MCUB: variants seen among roughly 807,000 people sequenced by gnomAD.
The protein encoded by MCUB is mitochondrial calcium uniporter dominant negative subunit beta.
In MCUB, 46 loss-of-function variants were observed where a neutral mutation model predicts 41.4. That is an observed-to-expected ratio of 1.11 (90% CI 0.88 to 1.42). The LOEUF (loss-of-function observed/expected upper bound fraction) is 1.42. Ranked by LOEUF, MCUB falls within the 40% of genes most tolerant of loss-of-function variation. MCUB has a pLI of 0.00. For missense variants in MCUB, 403 were observed against 404.9 expected (o/e 1.00, Z 0.04); for synonymous variants, 148 against 148.2 (o/e 1.00, Z 0.01).
chr4:109,656,210 A>T (rs1321296858), intron 1 of MCUB, among the ~76,000 whole-genome samples: 1 of 152,044 alleles, frequency 6.6e-6, no homozygotes, highest in East Asian at 1.9e-4. Flanking sequence ...TTAGCATTAT[A>T]CGGACTCTAG....
At chr4:109,638,411 T>TA (rs60114567) in intron 1 of MCUB, among the ~76,000 whole-genome samples, 10,219 of 138,232 alleles carry the variant, frequency 0.074, 398 homozygotes, top group Non-Finnish European at 0.082. Context: ...GCATTATATC[T>TA]AAAAAAAAAA....
chr4:109,583,040 A>G (rs1444168024), intron 1 of MCUB, among the ~76,000 whole-genome samples: 1 of 152,152 alleles, frequency 6.6e-6, no homozygotes, highest in Non-Finnish European at 1.5e-5. Flanking sequence ...TGTCTTGGCA[A>G]TGTGGACTCT....
chr4:109,684,539 TG>T lies in MCUB; in HGVS notation c.711del (p.Trp237CysfsTer32). 1.2e-6 allele frequency: 2 copies of T among 1,612,888 alleles called. No homozygotes were observed. Among genetic ancestry groups the T allele is most frequent in the Non-Finnish European group, 1.7e-6 (2 of 1,178,890 alleles). On this transcript the variant is annotated frameshift_variant, in exon 6 of 8. Coordinates refer to ENST00000394650, the MANE Select transcript of MCUB (RefSeq NM_017918.5). LOFTEE classifies it high-confidence loss of function. Reference protein sequence around the residue: ...LLSIQGGALAWLTWWVYSWDI... With the variant: ...LLSIQGGALAXLTWWVYSWDI... ...GTCCATTCAGGGTGGGGCACTGGCC[TG>T]GCTCACGTGGTGGGTGTACTCCTGG...
At chr4:109,660,438 CT>C in intron 3 of MCUB, 73 bp downstream of exon 3, 1 of 766,114 alleles carries the variant, frequency 1.3e-6, no homozygotes, top group South Asian at 2.2e-5. Flanking sequence ...TGGTTCTTTA[CT>C]TTTCTAGAAG....
chr4:109,656,332 G>A (rs1729098201), intron 1 of MCUB, among the ~76,000 whole-genome samples: 1 of 149,644 alleles, frequency 6.7e-6, no homozygotes, highest in Admixed American at 6.7e-5. Flanking sequence ...GTAAAGGGAG[G>A]GGCTCTAACT....
At chr4:109,567,577 T>A (rs1489732103) in intron 1 of MCUB, among the ~76,000 whole-genome samples, 1 of 143,804 alleles carries the variant, frequency 7.0e-6, no homozygotes, top group African/African-American at 2.6e-5. Context: ...GGCTGGCTAA[T>A]TTTTTGTATT....
chr4:109,580,357 T>C (rs569501573), intron 1 of MCUB, among the ~76,000 whole-genome samples: 1 of 152,324 alleles, frequency 6.6e-6, no homozygotes, highest in South Asian at 2.1e-4. Context: ...CATGTGTCTG[T>C]ATAGTAGCAT....
intron 3 of MCUB, among the ~76,000 whole-genome samples, chr4:109,662,898 C>T (rs1729258254): frequency 6.6e-6 from 1 of 152,014 alleles, no homozygotes; most frequent in Non-Finnish European, 1.5e-5. Context: ...GTGTTCTAAG[C>T]TTGTCACAGT....
chr4:109,673,934 C>T (rs1729515233), intron 4 of MCUB: 7 of 785,720 alleles, frequency 8.9e-6, no homozygotes, highest in Non-Finnish European at 1.6e-5. Context: ...CCATTCGTAC[C>T]CATTGGAATA....
chr4:109,563,378 T>C (rs929391368), intron 1 of MCUB, among the ~76,000 whole-genome samples: 8 of 152,166 alleles, frequency 5.3e-5, no homozygotes, highest in Non-Finnish European at 1.0e-4. Context: ...CCACAAGATG[T>C]CAACTTAGAA....
intron 1 of MCUB, among the ~76,000 whole-genome samples, chr4:109,564,132 CTTTCT>C (rs1726715124): frequency 6.6e-6 from 1 of 151,732 alleles, no homozygotes; most frequent in Non-Finnish European, 1.5e-5. Flanking sequence ...ATATGCATTT[CTTTCT>C]TTTCTTTTTT....
At chr4:109,571,626 G>GT (rs1726919394) in intron 1 of MCUB, among the ~76,000 whole-genome samples, 1 of 152,196 alleles carries the variant, frequency 6.6e-6, no homozygotes, top group African/African-American at 2.4e-5. Flanking sequence ...GTTAAAGCCA[G>GT]TTTTTTCCCT....
chr4:109,570,045 C>A (rs1339471658), intron 1 of MCUB, among the ~76,000 whole-genome samples: 8 of 152,134 alleles, frequency 5.3e-5, no homozygotes, highest in Non-Finnish European at 5.9e-5. Flanking sequence ...TGCCACTCAC[C>A]CATACTATTT....
chr4:109,570,101 C>T (rs569816276), intron 1 of MCUB, among the ~76,000 whole-genome samples: 1 of 152,230 alleles, frequency 6.6e-6, no homozygotes, highest in South Asian at 2.1e-4. Context: ...ATAAATAGAG[C>T]CTTTCCTGAT....
At chr4:109,614,575 G>A (rs113260174) in intron 1 of MCUB, among the ~76,000 whole-genome samples, 4 of 151,300 alleles carry the variant, frequency 2.6e-5, no homozygotes, top group African/African-American at 9.7e-5. Context: ...CAAGCCTCCA[G>A]AACTGTGAGA....
At chr4:109,598,489 G>A (rs973061056) in intron 1 of MCUB, among the ~76,000 whole-genome samples, 2 of 152,066 alleles carry the variant, frequency 1.3e-5, no homozygotes, top group East Asian at 1.9e-4. Context: ...GCAGGCACTC[G>A]GCAGGCTGAG....
Position 109,573,250 on chromosome 4 carries a change from G to A in MCUB, c.99+12814G>A, listed in dbSNP as rs182495873. Among the ~76,000 whole-genome samples, 366 of 151,902 alleles carry A rather than the reference G, an allele frequency of 2.4e-3. 1 individual carries two copies. The highest frequency in any genetic ancestry group is 8.3e-3 in the African/African-American group (342 of 41,440). Reference sequence around the variant, plus strand: ...GGCAGATCATGTGGTCAGGAGATAGGGACCATCCTGGCTAACACTGTGAAA... The same window carrying A: ...GGCAGATCATGTGGTCAGGAGATAGAGACCATCCTGGCTAACACTGTGAAA... On this transcript the variant is annotated intron_variant, in intron 1 of 7. Transcript: ENST00000394650.
chr4:109,673,390 C>T (rs1729502153), intron 4 of MCUB, among the ~76,000 whole-genome samples: 1 of 152,190 alleles, frequency 6.6e-6, no homozygotes, highest in South Asian at 2.1e-4. Flanking sequence ...CATTAGAAAA[C>T]CCCTCTTGCT....
At chr4:109,627,342 C>T (rs753103502) in intron 1 of MCUB, among the ~76,000 whole-genome samples, 16 of 151,988 alleles carry the variant, frequency 1.1e-4, no homozygotes, top group Non-Finnish European at 1.8e-4. Context: ...TCAATAATTA[C>T]TTGAGGATAA....
Sources: allele counts gnomAD v4.1 joint callset (sites outside exome capture counted in the v4.1 genomes callset), GRCh38; gene constraint gnomAD v4.1.1; transcripts MANE v1.5; gene names NCBI Gene and HGNC (gene_info 2026-07-23, HGNC 2026-07-21).